Variants in SLC6A13 observed in about 807,000 individuals in gnomAD.
SLC6A13 encodes solute carrier family 6 member 13.
In SLC6A13, 69 loss-of-function variants were observed where a neutral mutation model predicts 72.9. The ratio of observed to expected loss-of-function variants is 0.95; its 90% CI spans 0.78 to 1.16. The LOEUF is 1.16. Among genes scored for constraint, SLC6A13 ranks in the 50% most tolerant of loss-of-function variants. The pLI, the probability that SLC6A13 is intolerant of heterozygous loss-of-function variation, is 0.00. For synonymous variants in SLC6A13, 303 were observed against 303.0 expected, an observed-to-expected ratio of 1.00 and a Z score of 0.00; for missense variants, 735 against 760.5, an observed-to-expected ratio of 0.97 and a Z score of 0.39.
chr12:225,096 C>T (rs948174565), intron 9 of SLC6A13, among the ~76,000 whole-genome samples: 7 of 152,256 alleles, frequency 4.6e-5, no homozygotes, highest in African/African-American at 1.7e-4. Flanking sequence ...CGCTGACACA[C>T]GCCCTCGCGG....
At chr12:221,948 A>C (rs1941230426) in intron 13 of SLC6A13, among the ~76,000 whole-genome samples, 1 of 152,178 alleles carries the variant, frequency 6.6e-6, no homozygotes, top group Non-Finnish European at 1.5e-5. Flanking sequence ...GCTCGGGAAC[A>C]GCTGACACAA....
At chr12:231,589 C>A (rs1459673516) in intron 7 of SLC6A13, among the ~76,000 whole-genome samples, 1 of 152,186 alleles carries the variant, frequency 6.6e-6, no homozygotes, top group Admixed American at 6.5e-5. Flanking sequence ...GGCACTTGAG[C>A]CATCCCCCTC....
chr12:241,820 C>A (rs559839774), intron 4 of SLC6A13, among the ~76,000 whole-genome samples: 1 of 152,332 alleles, frequency 6.6e-6, no homozygotes, highest in Non-Finnish European at 1.5e-5. Flanking sequence ...GTCGTATAAG[C>A]ACAGGAGAAA....
At chr12:240,485 G>A (rs573795746) in intron 4 of SLC6A13, among the ~76,000 whole-genome samples, 6 of 152,342 alleles carry the variant, frequency 3.9e-5, no homozygotes, top group East Asian at 1.9e-4. Flanking sequence ...GATTACAGGC[G>A]TGAGCCACCG....
chr12:220,841 T>C lies in SLC6A13; in HGVS notation c.*107A>G. Reference sequence around the variant, plus strand: ...ACTCCAAAATACCCCTCTTGTCTTATCCACTCCAGGTCGGGGGCAGGGAAG... The same window carrying C: ...ACTCCAAAATACCCCTCTTGTCTTACCCACTCCAGGTCGGGGGCAGGGAAG... On this transcript the variant is annotated 3_prime_UTR_variant, in exon 15 of 15. Transcript: ENST00000343164. 1 of 1,410,662 alleles carries C rather than the reference T, an allele frequency of 7.1e-7. No individual in the cohort carries two copies. Among genetic ancestry groups the C allele is most frequent in the Non-Finnish European group, 9.7e-7 (1 of 1,034,316 alleles). 87.4% of individuals were successfully genotyped at this position (1,410,662 alleles called of 1,614,324 possible).
rs1941963197 is a variant in SLC6A13 at position 237,142 on chromosome 12, A to T, written c.696+16T>A. Reference sequence around the variant, plus strand: ...GGAGTCCGGGAATGGGAGGGGCAGGAGCTCCCCACACGAACCTTGCCTGTG... The same window carrying T: ...GGAGTCCGGGAATGGGAGGGGCAGGTGCTCCCCACACGAACCTTGCCTGTG... On this transcript the variant is annotated intron_variant, in intron 6 of 14. Coordinates refer to ENST00000343164, the MANE Select transcript of SLC6A13 (RefSeq NM_016615.5). 1 of 1,613,330 alleles carries T rather than the reference A, an allele frequency of 6.2e-7. No individual in the cohort carries two copies. The highest frequency in any genetic ancestry group is 1.1e-5 in the South Asian group (1 of 91,044).
intron 2 of SLC6A13, among the ~76,000 whole-genome samples, chr12:246,651 G>C (rs187712218): frequency 6.6e-6 from 1 of 152,268 alleles, no homozygotes; most frequent in Admixed American, 6.5e-5. Context: ...AGGCAGAGCA[G>C]AAGAAAAGAT....
At chr12:239,895 A>C (rs1434753017) in intron 4 of SLC6A13, among the ~76,000 whole-genome samples, 1 of 152,204 alleles carries the variant, frequency 6.6e-6, no homozygotes, top group Non-Finnish European at 1.5e-5. Flanking sequence ...CTAGGCTCTG[A>C]GTAAAACCAG....
intron 8 of SLC6A13, 142 bp from the exon 9 acceptor site, chr12:226,656 G>T: frequency 9.5e-7 from 1 of 1,048,486 alleles, no homozygotes; most frequent in Non-Finnish European, 1.3e-6. Context: ...GGGCTACCTG[G>T]CAGAATTCAG....
At chr12:251,436 C>T (rs542612221) in intron 2 of SLC6A13, among the ~76,000 whole-genome samples, 2 of 152,244 alleles carry the variant, frequency 1.3e-5, no homozygotes, top group East Asian at 1.9e-4. Flanking sequence ...CAGAAATGAA[C>T]TTCAACCCAT....
Position 238,193 on chromosome 12 carries a change from C to T in SLC6A13, c.479-183G>A, listed in dbSNP as rs56871431. 37,332 of 1,531,092 alleles carry T rather than the reference C, an allele frequency of 0.024. 3,201 individuals are homozygous for T. The East Asian group carries it at 0.28, about 12-fold the overall frequency. 94.8% of individuals were successfully genotyped at this position (1,531,092 alleles called of 1,614,324 possible). On this transcript the variant is annotated intron_variant, in intron 4 of 14. Transcript: ENST00000343164. Reference sequence around the variant, plus strand: ...AACCTCAACAAATGCAGCTCACTCTCTCCCGCACACTTGGACATGTGGGTA... The same window carrying T: ...AACCTCAACAAATGCAGCTCACTCTTTCCCGCACACTTGGACATGTGGGTA...
intron 6 of SLC6A13, among the ~76,000 whole-genome samples, chr12:235,961 G>T (rs1047103960): frequency 6.6e-6 from 1 of 152,146 alleles, no homozygotes; most frequent in African/African-American, 2.4e-5. Flanking sequence ...CTAGGGTGGG[G>T]AAAAACTCTG....
At chr12:231,270 A>G (rs1941696949) in intron 7 of SLC6A13, among the ~76,000 whole-genome samples, 1 of 152,234 alleles carries the variant, frequency 6.6e-6, no homozygotes. Context: ...GCCTGGCAGA[A>G]AAAGGGGAGC....
At chr12:227,803 A>G in intron 7 of SLC6A13, 135 bp from the exon 8 acceptor site, 1 of 720,304 alleles carries the variant, frequency 1.4e-6, no homozygotes, top group Non-Finnish European at 2.3e-6. Flanking sequence ...CAACACTTGC[A>G]TCCTGCTACC....
intron 7 of SLC6A13, among the ~76,000 whole-genome samples, chr12:228,114 C>T (rs1289033728): frequency 2.0e-5 from 3 of 152,108 alleles, no homozygotes; most frequent in African/African-American, 2.4e-5. Flanking sequence ...TTGCCCCTCA[C>T]GTCTCAGCAA....
chr12:252,411 T>C (rs1364266164), intron 2 of SLC6A13, among the ~76,000 whole-genome samples: 3 of 152,228 alleles, frequency 2.0e-5, no homozygotes, highest in African/African-American at 7.2e-5. Flanking sequence ...ATGTTTACTA[T>C]CTCAATTGTG....
intron 4 of SLC6A13, among the ~76,000 whole-genome samples, chr12:240,285 C>T (rs1397141754): frequency 6.6e-6 from 1 of 152,138 alleles, no homozygotes; most frequent in African/African-American, 2.4e-5. Context: ...CTCACTGCAA[C>T]CTCCACCTCC....
chr12:253,059 G>A (rs1473830336), intron 2 of SLC6A13, among the ~76,000 whole-genome samples: 1 of 152,220 alleles, frequency 6.6e-6, no homozygotes, highest in Non-Finnish European at 1.5e-5. Flanking sequence ...TAGTCCTGGG[G>A]ATGGGGGGTG....
intron 2 of SLC6A13, among the ~76,000 whole-genome samples, chr12:250,343 A>G (rs1942491863): frequency 2.0e-5 from 3 of 152,186 alleles, no homozygotes; most frequent in Admixed American, 2.0e-4. Context: ...AGGAAAAAAT[A>G]ACACTGCTTT....
Sources: allele counts gnomAD v4.1 joint callset (sites outside exome capture counted in the v4.1 genomes callset), GRCh38; gene constraint gnomAD v4.1.1; transcripts MANE v1.5; gene names NCBI Gene and HGNC (gene_info 2026-07-23, HGNC 2026-07-21).